The following ARHGAP15 variants were observed in gnomAD, a reference collection of about 807,000 sequenced individuals.
ARHGAP15 encodes Rho GTPase activating protein 15, also known as rho GTPase-activating protein 15.
ARHGAP15 carries 51 observed loss-of-function variants against 63.7 expected under a neutral mutation model. The ratio of observed to expected loss-of-function variants is 0.80; its 90% confidence interval spans 0.64 to 1.01. The LOEUF (loss-of-function observed/expected upper bound fraction) is 1.01, where lower values mean the gene tolerates loss of function less well. ARHGAP15 is among the 50% of genes least tolerant of loss of function. The probability of loss-of-function intolerance (pLI) is 0.00; values close to 1 mark genes in which losing one functional copy is unlikely to be tolerated. For synonymous variants in ARHGAP15, 191 were observed against 193.8 expected (o/e 0.99, Z 0.12); for missense variants, 560 against 564.6 (o/e 0.99, Z 0.08).
chr2:143,341,932 T>C (rs1046732509), intron 6 of ARHGAP15, among the ~76,000 whole-genome samples: 4 of 152,138 alleles, frequency 2.6e-5, no homozygotes, highest in African/African-American at 9.7e-5. Flanking sequence ...TTAGATGATA[T>C]AAAAAGTTAT....
At chr2:143,149,933 G>A (rs1689749192) in intron 1 of ARHGAP15, among the ~76,000 whole-genome samples, 1 of 151,966 alleles carries the variant, frequency 6.6e-6, no homozygotes, top group Admixed American at 6.6e-5. Flanking sequence ...TACCTAACGT[G>A]GCTACACTAT....
chr2:143,711,059 A>G (rs1574873070), intron 13 of ARHGAP15, among the ~76,000 whole-genome samples: 6 of 152,212 alleles, frequency 3.9e-5, no homozygotes. Context: ...GTTTTTGTCA[A>G]TAAAGTTTTA....
chr2:143,380,558 T>C, intron 6 of ARHGAP15, among the ~76,000 whole-genome samples: 1 of 152,148 alleles, frequency 6.6e-6, no homozygotes, highest in East Asian at 1.9e-4. Flanking sequence ...AGAAACTTGA[T>C]AATTGCAATC....
At chr2:143,579,342 A>G (rs192638980) in intron 11 of ARHGAP15, among the ~76,000 whole-genome samples, 17 of 152,308 alleles carry the variant, frequency 1.1e-4, no homozygotes, top group African/African-American at 3.8e-4. Flanking sequence ...CAAGGAGAAC[A>G]CTTGTAGCTG....
At chr2:143,598,766 T>A (rs1697631047) in intron 11 of ARHGAP15, among the ~76,000 whole-genome samples, 1 of 151,840 alleles carries the variant, frequency 6.6e-6, no homozygotes, top group Non-Finnish European at 1.5e-5. Flanking sequence ...AATAAAGAAT[T>A]TTAATTATCC....
chr2:143,669,394 A>C (rs1474542343), intron 12 of ARHGAP15, among the ~76,000 whole-genome samples: 1 of 152,222 alleles, frequency 6.6e-6, no homozygotes, highest in South Asian at 2.1e-4. Context: ...CAGTGAGGAA[A>C]GCACAAACTT....
intron 12 of ARHGAP15, among the ~76,000 whole-genome samples, chr2:143,664,607 C>A (rs1256047027): frequency 1.3e-5 from 2 of 150,898 alleles, no homozygotes; most frequent in South Asian, 2.1e-4. Context: ...AAAAACCCTT[C>A]AAAAAATTAA....
chr2:143,320,403 T>TTCCCCCCCCCCC (rs1683952072), intron 6 of ARHGAP15, among the ~76,000 whole-genome samples: 1 of 9,006 alleles, frequency 1.1e-4, no homozygotes, highest in Non-Finnish European at 2.8e-4. Context: ...AATCAGGACT[T>TTCCCCCCCCCCC]CCCCACCCCC....
chr2:143,468,855 A>G (rs1691377962), intron 8 of ARHGAP15, among the ~76,000 whole-genome samples: 1 of 152,180 alleles, frequency 6.6e-6, no homozygotes, highest in Admixed American at 6.5e-5. Context: ...GTAAAATCAA[A>G]CCTCAAATTG....
chr2:143,763,696 ATGTG>A (rs569936441), intron 13 of ARHGAP15, among the ~76,000 whole-genome samples: 125 of 128,770 alleles, frequency 9.7e-4, no homozygotes, highest in African/African-American at 3.5e-3. Flanking sequence ...ATGTATATGT[ATGTG>A]TATGTATATG....
At chr2:143,239,291 T>G (rs1693769701) in intron 5 of ARHGAP15, among the ~76,000 whole-genome samples, 1 of 152,230 alleles carries the variant, frequency 6.6e-6, no homozygotes, top group Non-Finnish European at 1.5e-5. Context: ...CATTACCTAA[T>G]TTTTTGTGTG....
intron 6 of ARHGAP15, among the ~76,000 whole-genome samples, chr2:143,414,011 G>A (rs1688576222): frequency 6.8e-6 from 1 of 148,060 alleles, no homozygotes. Context: ...GTCAGCCATT[G>A]CCTGAAACGT....
intron 11 of ARHGAP15, among the ~76,000 whole-genome samples, chr2:143,587,986 C>T (rs1470166695): frequency 6.6e-6 from 1 of 152,174 alleles, no homozygotes; most frequent in African/African-American, 2.4e-5. Flanking sequence ...ACAATGTTTT[C>T]TTTCTGCTCA....
chr2:143,278,515 T>C (rs1437956082), intron 6 of ARHGAP15, among the ~76,000 whole-genome samples: 2 of 152,134 alleles, frequency 1.3e-5, no homozygotes, highest in East Asian at 3.9e-4. Context: ...GCCTGCTAAA[T>C]TTGGCCCCTT....
intron 13 of ARHGAP15, among the ~76,000 whole-genome samples, chr2:143,706,869 C>G (rs1214519769): frequency 6.6e-6 from 1 of 152,054 alleles, no homozygotes; most frequent in Non-Finnish European, 1.5e-5. Flanking sequence ...TCCTCTGGTA[C>G]CTTCTGAATC....
chr2:143,162,772 A>C (rs1690349600), intron 2 of ARHGAP15, among the ~76,000 whole-genome samples: 1 of 152,072 alleles, frequency 6.6e-6, no homozygotes, highest in Admixed American at 6.6e-5. Flanking sequence ...AGAGAGGTTT[A>C]ATTTATGGCA....
intron 6 of ARHGAP15, among the ~76,000 whole-genome samples, chr2:143,408,805 A>G (rs1388199909): frequency 3.3e-5 from 5 of 151,904 alleles, no homozygotes; most frequent in African/African-American, 1.2e-4. Flanking sequence ...AAAATATCAA[A>G]CTTCAGTATA....
chr2:143,529,730 A>T (rs1460619384), intron 10 of ARHGAP15, among the ~76,000 whole-genome samples: 1 of 152,098 alleles, frequency 6.6e-6, no homozygotes, highest in Non-Finnish European at 1.5e-5. Context: ...TCTTCTTGTG[A>T]ATATCACAAG....
At position 143,262,020 on chromosome 2, in the gene ARHGAP15, G is replaced by A. The variant is rs565997246; in HGVS notation, c.474+11420G>A. ...AGTTTCAGGCTGTTCATGGGTGGGC[G>A]TGTCAAGAAGGCTCTTTCAGGTTTC... On this transcript the variant is annotated intron_variant, in intron 6 of 13. Transcript: ENST00000295095. Among the ~76,000 whole-genome samples, 26 of 152,200 alleles carry A rather than the reference G, an allele frequency of 1.7e-4. No homozygotes were observed. In the South Asian group the frequency reaches 3.5e-3, roughly 21 times the overall value.
Sources: gnomAD v4.1 joint callset for allele counts (sites outside exome capture counted in the v4.1 genomes callset) on GRCh38, gnomAD v4.1.1 for gene constraint, MANE v1.5 for transcripts, NCBI Gene and HGNC (gene_info 2026-07-23, HGNC 2026-07-21) for gene names.